Variants in KCNIP4 observed in about 807,000 individuals in gnomAD.
KCNIP4 encodes the protein Kv channel-interacting protein 4.
In KCNIP4, 12 loss-of-function variants were observed where a neutral mutation model predicts 34.0. The observed-to-expected ratio is 0.35, with a 90% confidence interval of 0.23 to 0.57. The LOEUF (loss-of-function observed/expected upper bound fraction) is 0.57, where lower values mean the gene tolerates loss of function less well. KCNIP4 is among the 20% of genes least tolerant of loss of function. The pLI, the probability that KCNIP4 is intolerant of heterozygous loss-of-function variation, is 0.83. For synonymous variants in KCNIP4, 124 were observed against 102.2 expected, an observed-to-expected ratio of 1.21 and a Z score of -1.29; for missense variants, 238 against 311.7, an observed-to-expected ratio of 0.76 and a Z score of 1.78.
Position 21,166,938 on chromosome 4 carries a change from C to CAAAAAAAAAAAAAAAAAA in KCNIP4, c.62-284247_62-284230dup, listed in dbSNP as rs55649635. 1.2e-3 allele frequency among the ~76,000 whole-genome samples: 45 copies of CAAAAAAAAAAAAAAAAAA among 37,568 alleles called. 2 individuals are homozygous for CAAAAAAAAAAAAAAAAAA. The highest frequency in any genetic ancestry group is 4.4e-3 in the African/African-American group (41 of 9,326). The allele number at this position is 37,568 out of a possible 152,430, so 24.6% of individuals were successfully genotyped here. A position where few individuals can be genotyped will look rare whatever the true frequency, so the allele number is the denominator to read the frequency against. On this transcript the variant is annotated intron_variant, in intron 1 of 8. Coordinates refer to ENST00000382152, the MANE Select transcript of KCNIP4 (RefSeq NM_025221.6). ...TGGGGGACAGAGCTACACTCCATCT[C>CAAAAAAAAAAAAAAAAAA]AAAAAAAAAAAAAAAAAAAAAAAAA...
intron 1 of KCNIP4, among the ~76,000 whole-genome samples, chr4:21,239,882 C>T (rs994676192): frequency 2.0e-5 from 3 of 151,960 alleles, no homozygotes; most frequent in Non-Finnish European, 2.9e-5. Flanking sequence ...GGGTATATAC[C>T]CAAAGGACTA....
At chr4:21,147,940 A>AG (rs1491243344) in intron 1 of KCNIP4, among the ~76,000 whole-genome samples, 9 of 90,364 alleles carry the variant, frequency 1.0e-4, no homozygotes, top group African/African-American at 5.2e-4. Context: ...ACTCCGTCTC[A>AG]AAAAAAAAAA....
intron 1 of KCNIP4, among the ~76,000 whole-genome samples, chr4:20,910,566 C>T (rs966796637): frequency 6.6e-5 from 10 of 152,144 alleles, no homozygotes; most frequent in African/African-American, 9.7e-5. Flanking sequence ...ACGAGCCTAA[C>T]GGAAATTTCA....
chr4:20,844,638 T>C (rs1370966769), intron 3 of KCNIP4, among the ~76,000 whole-genome samples: 2 of 152,202 alleles, frequency 1.3e-5, no homozygotes, highest in African/African-American at 4.8e-5. Flanking sequence ...TCTTACTGTT[T>C]CCCATGCAAA....
intron 1 of KCNIP4, among the ~76,000 whole-genome samples, chr4:21,816,557 T>C (rs1722001110): frequency 6.6e-6 from 1 of 152,074 alleles, no homozygotes; most frequent in Admixed American, 6.6e-5. Flanking sequence ...CTCCATTGCA[T>C]TCTCTCCCTC....
chr4:21,262,302 C>G (rs150217773), intron 1 of KCNIP4, among the ~76,000 whole-genome samples: 6 of 152,226 alleles, frequency 3.9e-5, no homozygotes, highest in African/African-American at 1.4e-4. Flanking sequence ...TTGGGTTGCC[C>G]TCTTATCTTC....
At chr4:21,125,899 T>C (rs898166015) in intron 1 of KCNIP4, among the ~76,000 whole-genome samples, 3 of 152,094 alleles carry the variant, frequency 2.0e-5, no homozygotes, top group Non-Finnish European at 4.4e-5. Flanking sequence ...ATTTTCTATT[T>C]TATGTTCTCC....
At chr4:21,174,027 G>A (rs1327484645) in intron 1 of KCNIP4, among the ~76,000 whole-genome samples, 2 of 152,104 alleles carry the variant, frequency 1.3e-5, no homozygotes, top group East Asian at 3.9e-4. Context: ...ATGGGACACT[G>A]ATGTTTTTAA....
At chr4:21,280,986 C>T (rs1481059917) in intron 1 of KCNIP4, among the ~76,000 whole-genome samples, 1 of 151,960 alleles carries the variant, frequency 6.6e-6, no homozygotes, top group East Asian at 1.9e-4. Context: ...CTGTATATCT[C>T]AAGTCCACAG....
rs140527517 is a variant in KCNIP4, at chr4:21,133,530, C to G, written c.62-250821G>C. On this transcript the variant is annotated intron_variant, in intron 1 of 8. Coordinates refer to ENST00000382152, the MANE Select transcript of KCNIP4 (RefSeq NM_025221.6). ...TACCTTTTCTTGTCTTCTATTCTGC[C>G]CAGGCTCCAAGGTTAGGCAATTCAA... Among the ~76,000 whole-genome samples the G allele has an allele frequency of 1.1e-4, 17 of 152,168 alleles. No individual in the cohort carries two copies. The East Asian group carries it at 3.1e-3, about 28-fold the overall frequency.
chr4:21,796,972 T>C (rs576258576), intron 1 of KCNIP4, among the ~76,000 whole-genome samples: 2 of 152,188 alleles, frequency 1.3e-5, no homozygotes, highest in African/African-American at 4.8e-5. Context: ...AGCTTGGACA[T>C]ATTCTGAGCA....
chr4:20,864,014 G>GTATGCATACATACATA (rs1560524850), intron 2 of KCNIP4, among the ~76,000 whole-genome samples: 1 of 142,538 alleles, frequency 7.0e-6, no homozygotes, highest in African/African-American at 2.5e-5. Flanking sequence ...ATGTAAATGT[G>GTATGCATACATACATA]TGTATGTATA....
chr4:20,799,307 C>T (rs1713906888), intron 3 of KCNIP4, among the ~76,000 whole-genome samples: 1 of 152,182 alleles, frequency 6.6e-6, no homozygotes, highest in Admixed American at 6.5e-5. Flanking sequence ...CTTCCTGAAC[C>T]TAGAGACTCT....
intron 1 of KCNIP4, among the ~76,000 whole-genome samples, chr4:21,320,077 GA>G (rs1714209815): frequency 6.6e-6 from 1 of 152,202 alleles, no homozygotes; most frequent in African/African-American, 2.4e-5. Flanking sequence ...AGCATTTGGA[GA>G]GAAAAGCATC....
At chr4:21,569,518 T>C (rs1740201562) in intron 1 of KCNIP4, among the ~76,000 whole-genome samples, 1 of 151,856 alleles carries the variant, frequency 6.6e-6, no homozygotes, top group Non-Finnish European at 1.5e-5. Context: ...CTTCCTCACA[T>C]AGCAAAGGAG....
intron 1 of KCNIP4, among the ~76,000 whole-genome samples, chr4:21,638,095 T>C (rs950135159): frequency 6.6e-5 from 10 of 152,162 alleles, no homozygotes; most frequent in African/African-American, 2.4e-4. Flanking sequence ...GTTCAAAAGA[T>C]GCTAATGATA....
chr4:21,665,742 G>A (rs1748820601), intron 1 of KCNIP4, among the ~76,000 whole-genome samples: 1 of 152,130 alleles, frequency 6.6e-6, no homozygotes, highest in South Asian at 2.1e-4. Flanking sequence ...GGCGTATCAG[G>A]CATTTGGCAA....
At chr4:20,796,526 C>T (rs1186268081) in intron 3 of KCNIP4, among the ~76,000 whole-genome samples, 2 of 151,916 alleles carry the variant, frequency 1.3e-5, no homozygotes, top group East Asian at 3.9e-4. Flanking sequence ...CCTAACTCTT[C>T]ACCTTGTTTA....
At chr4:21,363,086 A>C (rs1202533671) in intron 1 of KCNIP4, among the ~76,000 whole-genome samples, 1 of 152,132 alleles carries the variant, frequency 6.6e-6, no homozygotes, top group Non-Finnish European at 1.5e-5. Context: ...TCCTTTTTGC[A>C]AATGAGAAAA....
Sources: gnomAD v4.1 joint callset for allele counts (sites outside exome capture counted in the v4.1 genomes callset) on GRCh38, gnomAD v4.1.1 for gene constraint, MANE v1.5 for transcripts, NCBI Gene and HGNC (gene_info 2026-07-23, HGNC 2026-07-21) for gene names.